The following POLRMT variants were observed in gnomAD, a reference collection of about 807,000 sequenced individuals.
The protein encoded by POLRMT is RNA polymerase mitochondrial, also known as DNA-directed RNA polymerase, mitochondrial.
A neutral mutation model predicts 132.2 loss-of-function variants in POLRMT; 114 were observed. That is an observed-to-expected ratio of 0.86 (90% confidence interval 0.74 to 1.01). The LOEUF is 1.01. Among genes scored for constraint, POLRMT ranks in the 50% least tolerant of loss-of-function variants. The probability of loss-of-function intolerance (pLI) is 0.00; values close to 1 mark genes in which losing one functional copy is unlikely to be tolerated. For synonymous variants in POLRMT, 1,020 were observed against 773.4 expected, an observed-to-expected ratio of 1.32 and a Z score of -5.29; for missense variants, 2,003 against 1,729.1, an observed-to-expected ratio of 1.16 and a Z score of -2.81.
intron 3 of POLRMT, among the ~76,000 whole-genome samples, chr19:627,904 AACAG>A (rs982301375): frequency 5.4e-5 from 8 of 148,246 alleles, no homozygotes; most frequent in East Asian, 2.0e-4. Flanking sequence ...TAGCCTGGGC[AACAG>A]ACAGAGAGTC....
Position 624,910 on chromosome 19 carries a change from G to A in POLRMT, c.954-5C>T, listed in dbSNP as rs1984913709. On this transcript the variant is annotated splice_region_variant and splice_polypyrimidine_tract_variant and intron_variant, in intron 4 of 20. Transcript: ENST00000588649. ...TGGCTCATCTGTTCCAGACACCTGT[G>A]GTGCAGGCGGCCTGCTCGAGGGACG... The A allele has an allele frequency of 5.0e-6, 8 of 1,601,232 alleles. No homozygotes were observed. Among genetic ancestry groups the A allele is most frequent in the South Asian group, 3.3e-5 (3 of 90,558 alleles).
chr19:624,704 C>T lies in POLRMT; in HGVS notation c.1140+15G>A, dbSNP rs1446863076. The T allele has an allele frequency of 6.2e-7, 1 of 1,607,228 alleles. No homozygotes were observed. The highest frequency in any genetic ancestry group is 1.3e-5 in the African/African-American group (1 of 74,816). Reference sequence around the variant, plus strand: ...CTATAAGGACTGAAGTCTGCCGGGGCCCACGTGGGCTCACCTTGGCATACA... The same window carrying T: ...CTATAAGGACTGAAGTCTGCCGGGGTCCACGTGGGCTCACCTTGGCATACA... On this transcript the variant is annotated intron_variant, in intron 5 of 20. Coordinates refer to ENST00000588649, the MANE Select transcript of POLRMT (RefSeq NM_005035.4).
rs551340181 is a variant in POLRMT, at chr19:626,546, G to A, written c.823-1292C>T. ...TCATGCCTGTAACCCCAGCACTTTG[G>A]GAGGCCAAGACAGGAGGATCACAAG... is the stretch of plus-strand genomic sequence containing the variant. On this transcript the variant is annotated intron_variant, in intron 3 of 20. Coordinates refer to ENST00000588649, the MANE Select transcript of POLRMT (RefSeq NM_005035.4). Among the ~76,000 whole-genome samples the A allele has an allele frequency of 6.1e-3, 905 of 148,112 alleles. 14 individuals are homozygous for A. The highest frequency in any genetic ancestry group is 0.02 in the African/African-American group (812 of 40,020).
At chr19:626,221 G>A (rs1568173204) in intron 3 of POLRMT, among the ~76,000 whole-genome samples, 1 of 151,784 alleles carries the variant, frequency 6.6e-6, no homozygotes, top group East Asian at 2.0e-4. Flanking sequence ...CGCAATCTCA[G>A]CTCACTGTCA....
chr19:618,360 A>G (rs1984182926), intron 17 of POLRMT, 128 bp downstream of exon 17: 1 of 731,176 alleles, frequency 1.4e-6, no homozygotes, highest in African/African-American at 1.8e-5. Flanking sequence ...CACAGGCCCC[A>G]CAGACACAGC....
intron 13 of POLRMT, 131 bp downstream of exon 13, chr19:619,455 C>A: frequency 3.6e-6 from 5 of 1,396,742 alleles, no homozygotes; most frequent in Non-Finnish European, 4.9e-6. Flanking sequence ...AACGCCCAAG[C>A]CCTAACAGGC....
Position 617,799 on chromosome 19 carries a change from G to A in POLRMT, c.3473C>T (p.Ala1158Val), listed in dbSNP as rs376900734. Reference protein sequence around the residue: ...SVHDCYWTHAADVSVMNQVCR... With the variant: ...SVHDCYWTHAVDVSVMNQVCR... ...CACCTGGTTCATGACGGAGACATCA[G>A]CTGCGTGAGTCCAGTAACAGTCGTG... Residue 1158 changes from alanine to valine, a missense_variant, in exon 18 of 21, where the codon GCT becomes GTT. Physicochemically the swap from Ala to Val is moderately conservative, Grantham distance 64. Coordinates refer to ENST00000588649, the MANE Select transcript of POLRMT (RefSeq NM_005035.4). 1.9e-6 allele frequency: 3 copies of A among 1,613,262 alleles called. No homozygotes were observed. The highest frequency in any genetic ancestry group is 2.7e-5 in the African/African-American group (2 of 74,910).
chr19:629,733 G>T lies in POLRMT; in HGVS notation c.629C>A (p.Pro210Gln). The T allele has an allele frequency of 6.3e-7, 1 of 1,584,360 alleles. No homozygotes were observed. The highest frequency in any genetic ancestry group is 1.1e-5 in the South Asian group (1 of 87,712). ...GKLSLDVEQAPSGQHSQAQLS... is the reference protein window; with the variant it reads ...GKLSLDVEQAQSGQHSQAQLS... ...CTGGGCCTGCGAGTGCTGCCCCGAC[G>T]GGGCCTGCTCCACATCGAGGCTCAG... The change falls in exon 3 of 21, where the codon CCG (proline) becomes CAG (glutamine). Residue 210 changes from proline to glutamine, a missense_variant. Physicochemically the swap from Pro to Gln is moderately conservative, Grantham distance 76. Coordinates refer to ENST00000588649, the MANE Select transcript of POLRMT (RefSeq NM_005035.4).
chr19:618,982 G>A lies in POLRMT; in HGVS notation c.3267+15C>T, dbSNP rs760920159. On this transcript the variant is annotated intron_variant, in intron 15 of 20. Transcript: ENST00000588649. ...GATGGTGGCACACTGGGGAGGGATG[G>A]GGTGGTACACTGACCTTGACCTTGG... The A allele has an allele frequency of 7.1e-6, 11 of 1,549,448 alleles. No individual in the cohort carries two copies. The highest frequency in any genetic ancestry group is 2.3e-5 in the East Asian group (1 of 43,910).
Position 623,607 on chromosome 19 carries a change from C to CAG in POLRMT, c.1141-6_1141-5dup. 1.2e-6 allele frequency: 2 copies of CAG among 1,613,410 alleles called. No homozygotes were observed. Among genetic ancestry groups the CAG allele is most frequent in the Non-Finnish European group, 1.7e-6 (2 of 1,179,868 alleles). The stretch of plus-strand genomic sequence containing the variant: ...TCGGGTAGGACACACGCCCATCCTG[C>CAG]AGGGATGGGGGTAGTGAGGTTGGGG... On this transcript the variant is annotated splice_polypyrimidine_tract_variant and splice_region_variant and intron_variant, in intron 5 of 20. Transcript: ENST00000588649.
chr19:623,403 G>T (rs756440971), intron 6 of POLRMT, 51 bp downstream of exon 6: 1 of 1,591,216 alleles, frequency 6.3e-7, no homozygotes, highest in South Asian at 1.1e-5. Flanking sequence ...GTGGACACGC[G>T]ACCCCGGCTC....
Position 617,480 on chromosome 19 carries a change from C to A in POLRMT, c.3582G>T (p.Glu1194Asp), listed in dbSNP as rs749766737. The change falls in exon 20 of 21, where the codon GAG (glutamate) becomes GAT (aspartate). Residue 1194 changes from glutamate to aspartate, a missense_variant and splice_region_variant. Transcript: ENST00000588649. ...SRFLVKRFCS[E>D]PQKILEASQL... ...GGCTGGCCTCCAAGATCTTCTGGGG[C>A]CTGGGGTTGGAAGCAGGGTGGGGTG... 5 of 1,608,632 alleles carry A rather than the reference C, an allele frequency of 3.1e-6. No homozygotes were observed. Among genetic ancestry groups the A allele is most frequent in the Non-Finnish European group, 2.5e-6 (3 of 1,178,312 alleles).
Position 619,942 on chromosome 19 carries a change from G to T in POLRMT, c.2886+16C>A. 4 of 1,600,984 alleles carry T rather than the reference G, an allele frequency of 2.5e-6. No homozygotes were observed. Among genetic ancestry groups the T allele is most frequent in the Non-Finnish European group, 3.4e-6 (4 of 1,177,724 alleles). On this transcript the variant is annotated intron_variant, in intron 12 of 20. Transcript: ENST00000588649. Reference sequence around the variant, plus strand: ...CCCCACGCCGAGATGCCCCCGGGCAGCAGGGCACACCCTACCTGCGCGGCC... The same window carrying T: ...CCCCACGCCGAGATGCCCCCGGGCATCAGGGCACACCCTACCTGCGCGGCC...
chr19:622,885 C>T lies in POLRMT; in HGVS notation c.1391G>A (p.Arg464Gln), dbSNP rs769758307. ...NRLEREVYEG[R>Q]FSLYPFLCLL... ...GCACAGGAAGGGGTAAAGTGAGAAC[C>T]GGCCCTCGTACACCTCGCGCTCTAG... Residue 464 changes from arginine (R) to glutamine (Q), a missense_variant, in exon 7 of 21, where the codon CGG becomes CAG. Coordinates refer to ENST00000588649, the MANE Select transcript of POLRMT (RefSeq NM_005035.4). 50 of 1,610,656 alleles carry T rather than the reference C, an allele frequency of 3.1e-5. No individual in the cohort carries two copies. The highest frequency in any genetic ancestry group is 1.2e-4 in the Admixed American group (7 of 59,722).
At chr19:618,822 G>A (rs2144576397) in intron 15 of POLRMT, 62 bp from the exon 16 acceptor site, 1 of 1,529,492 alleles carries the variant, frequency 6.5e-7, no homozygotes, top group Non-Finnish European at 8.9e-7. Context: ...GGTACATTGA[G>A]GTGGTGGTAC....
chr19:629,515 T>G (rs1395129644), intron 3 of POLRMT, 25 bp downstream of exon 3: 1 of 1,489,238 alleles, frequency 6.7e-7, no homozygotes. Context: ...CCAGGGCAGG[T>G]GGCCCGGCTC....
In POLRMT at chr19:620,065, C is replaced by A. The variant is rs1239063012; in HGVS notation, c.2779G>T (p.Gly927Cys). The A allele has an allele frequency of 1.3e-6, 2 of 1,544,744 alleles. No individual in the cohort carries two copies. The highest frequency in any genetic ancestry group is 1.7e-6 in the Non-Finnish European group (2 of 1,149,990). ...CCCAGAGCAGCATAATGCTGCAGGC[C>A]GTTGCAAGAGCCGTCCTGAGGAAGG... ...LPVHQDGSCN[G>C]LQHYAALGRD... Residue 927 changes from glycine (G) to cysteine (C), a missense_variant, in exon 12 of 21, where the codon GGC becomes TGC. Gly to Cys is a radical substitution (Grantham distance 159, BLOSUM62 -3). Coordinates refer to ENST00000588649, the MANE Select transcript of POLRMT (RefSeq NM_005035.4).
chr19:617,284 A>T lies in POLRMT; in HGVS notation c.3683T>A (p.Phe1228Tyr), dbSNP rs760494952. 11 of 1,612,750 alleles carry T rather than the reference A, an allele frequency of 6.8e-6. No individual in the cohort carries two copies. Among genetic ancestry groups the T allele is most frequent in the African/African-American group, 1.3e-5 (1 of 75,022 alleles). ...AAGGCTCACGGGGTGTCAGCTGAAG[A>T]AGTAGGTGGAACGCTTCACCTGCTC... ...DLEQVKRSTY[F>Y]FS Residue 1228 changes from phenylalanine (F) to tyrosine (Y), a missense_variant, in exon 21 of 21, where the codon TTC becomes TAC. By Grantham distance (22) the Phe-to-Tyr change is conservative (BLOSUM62 3). Transcript: ENST00000588649.
chr19:618,921 C>A, intron 15 of POLRMT, 76 bp downstream of exon 15: 12 of 1,378,720 alleles, frequency 8.7e-6, no homozygotes, highest in Non-Finnish European at 1.2e-5. Flanking sequence ...TGGTGGTACG[C>A]TGGGGCACTG....
Sources: allele counts gnomAD v4.1 joint callset (sites outside exome capture counted in the v4.1 genomes callset), GRCh38; gene constraint gnomAD v4.1.1; transcripts MANE v1.5; gene names NCBI Gene and HGNC (gene_info 2026-07-23, HGNC 2026-07-21).